Variants in NCOR1 observed in about 807,000 individuals in gnomAD.
The protein encoded by NCOR1 is nuclear receptor corepressor 1, also known as protein phosphatase 1, regulatory subunit 109.
In NCOR1, 63 loss-of-function variants were observed where a neutral mutation model predicts 288.1. The observed-to-expected ratio is 0.22, with a 90% CI of 0.18 to 0.27. The LOEUF is 0.27. Among genes scored for constraint, NCOR1 ranks in the 10% least tolerant of loss-of-function variants. NCOR1 has a pLI of 1.00. For synonymous variants in NCOR1, 1,007 were observed against 1,065.9 expected (o/e 0.94, Z 1.08); for missense variants, 2,397 against 3,019.2 (o/e 0.79, Z 4.83).
At chr17:16,145,892 T>A (rs528182289) in intron 10 of NCOR1, among the ~76,000 whole-genome samples, 3 of 152,166 alleles carry the variant, frequency 2.0e-5, no homozygotes, top group East Asian at 3.9e-4. Context: ...GAGATCAGAT[T>A]GTTACTGTGT....
chr17:16,064,932 T>C lies in NCOR1; in HGVS notation c.5039A>G (p.Tyr1680Cys). The change falls in exon 34 of 46, where the codon TAT becomes TGT. Residue 1680 changes from tyrosine to cysteine, a missense_variant. By Grantham distance (194) the Tyr-to-Cys change is radical (BLOSUM62 -2). Transcript: ENST00000268712. ...GAAAGTAATCTGTGTACCAGGAATA[T>C]AAGTGATTCTGTCCATGGGAGGAGT... ...TSTPPMDRIT[Y>C]IPGTQITFPP... 1 of 1,613,970 alleles carries C rather than the reference T, an allele frequency of 6.2e-7. No individual in the cohort carries two copies. Among genetic ancestry groups the C allele is most frequent in the Non-Finnish European group, 8.5e-7 (1 of 1,179,874 alleles).
chr17:16,145,599 G>A (rs2077819599), intron 10 of NCOR1, among the ~76,000 whole-genome samples: 1 of 150,984 alleles, frequency 6.6e-6, no homozygotes, highest in Admixed American at 6.6e-5. Context: ...CCCAGTCTGA[G>A]ACGTGAGGAG....
intron 17 of NCOR1, 81 bp from the exon 18 acceptor site, chr17:16,118,108 C>T: frequency 7.1e-7 from 1 of 1,404,394 alleles, no homozygotes; most frequent in South Asian, 1.4e-5. Context: ...TTAACTTAAT[C>T]ACTGTATTCA....
chr17:16,050,225 A>ATTT (rs200783067), intron 40 of NCOR1, among the ~76,000 whole-genome samples: 3 of 140,036 alleles, frequency 2.1e-5, no homozygotes, highest in East Asian at 2.1e-4. Context: ...CACACCCTCA[A>ATTT]TTTTTTTTTT....
At chr17:16,171,671 A>G in intron 4 of NCOR1, 132 bp downstream of exon 4, 1 of 807,792 alleles carries the variant, frequency 1.2e-6, no homozygotes, top group Non-Finnish European at 1.7e-6. Flanking sequence ...GTTTAACAAA[A>G]TTTTTACTTT....
In NCOR1 at chr17:16,098,511, T is replaced by C; in HGVS notation, c.2691-15A>G. 2 of 1,590,662 alleles carry C rather than the reference T, an allele frequency of 1.3e-6. No homozygotes were observed. The highest frequency in any genetic ancestry group is 1.7e-6 in the Non-Finnish European group (2 of 1,169,478). ...TAGGAAACATTCTGCAATTGCAATTTAAAAAAAAGATAAATGAATACATTT... is the reference window on the plus strand; with the variant it reads ...TAGGAAACATTCTGCAATTGCAATTCAAAAAAAAGATAAATGAATACATTT... On this transcript the variant is annotated splice_polypyrimidine_tract_variant and intron_variant, in intron 20 of 45. Coordinates refer to ENST00000268712, the MANE Select transcript of NCOR1 (RefSeq NM_006311.4).
At chr17:16,046,025 C>G (rs2058596439) in intron 42 of NCOR1, among the ~76,000 whole-genome samples, 1 of 152,136 alleles carries the variant, frequency 6.6e-6, no homozygotes, top group South Asian at 2.1e-4. Context: ...GTTGTCCAGG[C>G]TAATCTCGAA....
chr17:16,176,296 T>A (rs1317070062), intron 3 of NCOR1, among the ~76,000 whole-genome samples: 1 of 152,110 alleles, frequency 6.6e-6, no homozygotes, highest in Non-Finnish European at 1.5e-5. Flanking sequence ...TGAAACAGAG[T>A]GTCACTCTGT....
At position 16,215,509 on chromosome 17, in the gene NCOR1, C is replaced by T. The variant is rs564786623; in HGVS notation, c.-218G>A. ...GCCGCCGCCGCCGCGGCTGCTGCTTCGCCACCTTGGCCGCCATCTTGACTC... is the reference window on the plus strand; with the variant it reads ...GCCGCCGCCGCCGCGGCTGCTGCTTTGCCACCTTGGCCGCCATCTTGACTC... On this transcript the variant is annotated 5_prime_UTR_variant, in exon 1 of 46. Transcript: ENST00000268712. The T allele has an allele frequency of 2.0e-4, 79 of 398,870 alleles. 1 individual carries two copies. Among genetic ancestry groups the T allele is most frequent in the Admixed American group, 1.8e-3 (41 of 22,734 alleles). The allele number at this position is 398,870 out of a possible 1,614,324, so 24.7% of individuals were successfully genotyped here. A position where few individuals can be genotyped will look rare whatever the true frequency, so the allele number is the denominator to read the frequency against.
At chr17:16,152,438 A>G (rs555124009) in intron 7 of NCOR1, among the ~76,000 whole-genome samples, 3 of 152,254 alleles carry the variant, frequency 2.0e-5, no homozygotes, top group Non-Finnish European at 4.4e-5. Context: ...TTTGCTCAGA[A>G]TGATGGTTTC....
At chr17:16,101,072 C>G (rs1270154537) in intron 20 of NCOR1, among the ~76,000 whole-genome samples, 178 bp downstream of exon 20, 1 of 152,174 alleles carries the variant, frequency 6.6e-6, no homozygotes, top group African/African-American at 2.4e-5. Context: ...TTAAAATGAT[C>G]ATACAATAGT....
rs1391940374 is a variant in NCOR1, at chr17:16,158,771, C to G, written c.721G>C (p.Asp241His). The G allele has an allele frequency of 6.2e-7, 1 of 1,612,648 alleles. No homozygotes were observed. Among genetic ancestry groups the G allele is most frequent in the Admixed American group, 1.7e-5 (1 of 59,972 alleles). ...KHRSIVQIIY[D>H]ENRKKAEEAH... ...TGGTATGAGCTTACCCGATTCTCAT[C>G]ATAAATAATTTGGACAATACTGCGG... The change falls in exon 6 of 46, where the codon GAT becomes CAT. Residue 241 changes from aspartate to histidine, a missense_variant. Coordinates refer to ENST00000268712, the MANE Select transcript of NCOR1 (RefSeq NM_006311.4).
At chr17:16,127,649 G>GTATATATACATATATGTATATATGTGTA (rs2074863672) in intron 14 of NCOR1, among the ~76,000 whole-genome samples, 2 of 143,262 alleles carry the variant, frequency 1.4e-5, no homozygotes. Flanking sequence ...ATATGTGTAT[G>GTATATATACATATATGTATATATGTGTA]TGTATATATA....
At chr17:16,151,689 C>CT in intron 8 of NCOR1, 1 of 1,252,870 alleles carries the variant, frequency 8.0e-7, no homozygotes, top group Non-Finnish European at 1.1e-6. Context: ...AAGTATCCAC[C>CT]TTTTTTACTA....
intron 21 of NCOR1, among the ~76,000 whole-genome samples, chr17:16,097,308 G>A (rs1334519253): frequency 6.6e-6 from 1 of 152,190 alleles, no homozygotes; most frequent in East Asian, 1.9e-4. Context: ...GTTTGAACTT[G>A]CAATCCTCTT....
intron 40 of NCOR1, among the ~76,000 whole-genome samples, chr17:16,050,008 C>T (rs2059124749): frequency 6.6e-6 from 1 of 152,142 alleles, no homozygotes; most frequent in Non-Finnish European, 1.5e-5. Flanking sequence ...CTCTCACTTA[C>T]ATCTCCCGAG....
intron 26 of NCOR1, among the ~76,000 whole-genome samples, chr17:16,075,903 C>CG (rs2062387901): frequency 6.6e-6 from 1 of 152,224 alleles, no homozygotes; most frequent in Non-Finnish European, 1.5e-5. Flanking sequence ...AACTCAGCCA[C>CG]ATAACACTTA....
intron 3 of NCOR1, 102 bp downstream of exon 3, chr17:16,186,452 A>C (rs545759817): frequency 8.4e-7 from 1 of 1,185,828 alleles, no homozygotes; most frequent in Non-Finnish European, 1.1e-6. Flanking sequence ...ATAAATGACC[A>C]GTCATGGCTT....
chr17:16,044,762 G>T, intron 42 of NCOR1: 1 of 869,982 alleles, frequency 1.1e-6, no homozygotes, highest in Non-Finnish European at 1.9e-6. Context: ...CAGCTTGTTT[G>T]CAATGGCCCT....
Sources: allele counts gnomAD v4.1 joint callset (sites outside exome capture counted in the v4.1 genomes callset), GRCh38; gene constraint gnomAD v4.1.1; transcripts MANE v1.5; gene names NCBI Gene and HGNC (gene_info 2026-07-23, HGNC 2026-07-21).